ZC3H7A: variants seen among roughly 807,000 people sequenced by gnomAD.
The protein encoded by ZC3H7A is zinc finger CCCH-type containing 7A, also known as zinc finger CCCH domain-containing protein 7A.
Under a neutral mutation model 125.5 loss-of-function variants are expected in ZC3H7A, and 44 were observed. The observed-to-expected ratio is 0.35, with a 90% CI of 0.28 to 0.45. The LOEUF is 0.45. Among genes scored for constraint, ZC3H7A ranks in the 20% least tolerant of loss-of-function variants. ZC3H7A has a pLI of 1.00. For missense variants in ZC3H7A, 977 were observed against 1,170.7 expected, an observed-to-expected ratio of 0.83 and a Z score of 2.41; for synonymous variants, 399 against 391.2, an observed-to-expected ratio of 1.02 and a Z score of -0.23.
intron 4 of ZC3H7A, among the ~76,000 whole-genome samples, chr16:11,778,141 T>C (rs1400744804): frequency 6.7e-6 from 1 of 150,088 alleles, no homozygotes; most frequent in Admixed American, 6.6e-5. Flanking sequence ...TATTTCTTGA[T>C]TTAAAAAAAC....
In ZC3H7A at chr16:11,762,656, A is replaced by G; in HGVS notation, c.2079+15T>C. The G allele has an allele frequency of 1.2e-6, 2 of 1,613,574 alleles. No individual in the cohort carries two copies. The highest frequency in any genetic ancestry group is 1.1e-5 in the South Asian group (1 of 91,068). On this transcript the variant is annotated intron_variant, in intron 17 of 22. Coordinates refer to ENST00000355758, the MANE Select transcript of ZC3H7A (RefSeq NM_014153.4). ...AAAGGACACCAAATGCAGAAAGTAC[A>G]CAAGAGAAAAATACCTGCGCTCCAG...
intron 9 of ZC3H7A, 97 bp downstream of exon 9, chr16:11,774,139 C>T (rs867031876): frequency 1.2e-5 from 14 of 1,180,748 alleles, no homozygotes; most frequent in Middle Eastern, 2.8e-4. Context: ...CCAAATTCAG[C>T]CTATATGCAA....
At chr16:11,790,625 C>T (rs1367185059) in intron 1 of ZC3H7A, among the ~76,000 whole-genome samples, 1 of 151,944 alleles carries the variant, frequency 6.6e-6, no homozygotes, top group Non-Finnish European at 1.5e-5. Flanking sequence ...TTGCAACCTC[C>T]GCCTCCCAGG....
In ZC3H7A at chr16:11,773,744, G is replaced by A. The variant is rs1373305880; in HGVS notation, c.903+492C>T. On this transcript the variant is annotated intron_variant, in intron 9 of 22. Transcript: ENST00000355758. ...AAAAATACAAAAAAATTAGCCAGGC[G>A]TGGTGGCGGGCGCCTGTAGTCCCAG... Among the ~76,000 whole-genome samples, 6 of 151,716 alleles carry A rather than the reference G, an allele frequency of 4.0e-5. 1 individual carries two copies. In the East Asian group the frequency reaches 5.8e-4, roughly 15 times the overall value.
At chr16:11,763,703 T>G (rs1238338088) in intron 15 of ZC3H7A, 44 bp from the exon 16 acceptor site, 38 of 611,820 alleles carry the variant, frequency 6.2e-5, no homozygotes, top group Non-Finnish European at 8.9e-5. Flanking sequence ...CTGCCATAGA[T>G]TTTTCAAATA....
intron 1 of ZC3H7A, among the ~76,000 whole-genome samples, chr16:11,795,733 C>T (rs778799680): frequency 4.6e-5 from 7 of 152,032 alleles, no homozygotes; most frequent in Non-Finnish European, 7.4e-5. Context: ...CCACCCCGCC[C>T]GGCCCGTATA....
chr16:11,777,006 AT>A (rs914861618), intron 4 of ZC3H7A, 97 bp from the exon 5 acceptor site: 64 of 967,022 alleles, frequency 6.6e-5, no homozygotes, highest in Non-Finnish European at 8.7e-5. Context: ...ACCCCATCCT[AT>A]TACCCTCCCT....
At chr16:11,779,846 G>A (rs556486644) in intron 3 of ZC3H7A, among the ~76,000 whole-genome samples, 32 of 148,390 alleles carry the variant, frequency 2.2e-4, no homozygotes, top group African/African-American at 7.9e-4. Context: ...CCAATTTCTA[G>A]GTGGAAAATG....
chr16:11,789,713 G>A (rs888926273), intron 1 of ZC3H7A, among the ~76,000 whole-genome samples: 4 of 152,080 alleles, frequency 2.6e-5, no homozygotes, highest in Non-Finnish European at 5.9e-5. Flanking sequence ...TGGACCTTCT[G>A]GTTGTTTCCA....
chr16:11,780,638 C>T (rs1404249977), intron 3 of ZC3H7A, among the ~76,000 whole-genome samples: 3 of 152,210 alleles, frequency 2.0e-5, no homozygotes, highest in African/African-American at 2.4e-5. Flanking sequence ...ACAACTGTTA[C>T]AGTTTATTTC....
chr16:11,786,715 A>T (rs1312194025), intron 1 of ZC3H7A, among the ~76,000 whole-genome samples: 2 of 152,208 alleles, frequency 1.3e-5, no homozygotes, highest in Non-Finnish European at 2.9e-5. Flanking sequence ...CATGTTCAGT[A>T]GTTTTTTAAG....
At chr16:11,769,129 C>A (rs1358624689) in intron 10 of ZC3H7A, 34 bp from the exon 11 acceptor site, 1 of 1,568,530 alleles carries the variant, frequency 6.4e-7, no homozygotes, top group South Asian at 1.2e-5. Context: ...CAGACCTTTT[C>A]ATTCTGATCA....
intron 9 of ZC3H7A, among the ~76,000 whole-genome samples, chr16:11,773,673 G>C (rs1417213941): frequency 1.3e-5 from 2 of 151,874 alleles, no homozygotes; most frequent in African/African-American, 4.9e-5. Context: ...ACGAGGTCAG[G>C]AGATCAAGAC....
chr16:11,769,784 C>CTTTTTTTTTTT lies in ZC3H7A; in HGVS notation c.1109-700_1109-690dup, dbSNP rs200241879. Among the ~76,000 whole-genome samples, 581 of 61,574 alleles carry CTTTTTTTTTTT rather than the reference C, an allele frequency of 9.4e-3. 64 individuals carry two copies. Among genetic ancestry groups the CTTTTTTTTTTT allele is most frequent in the Middle Eastern group, 0.027 (2 of 74 alleles). The allele number at this position is 61,574 out of a possible 152,430, so 40.4% of individuals were successfully genotyped here. Reference sequence around the variant, plus strand: ...AATCAGTAAAGTTTTCAATTGCTTTCTTTTTTTTTTTTTTTTTTTTTTTGA... The same window carrying CTTTTTTTTTTT: ...AATCAGTAAAGTTTTCAATTGCTTTCTTTTTTTTTTTTTTTTTTTTTTTTTTTTTTTTTTGA... On this transcript the variant is annotated intron_variant, in intron 10 of 22. Coordinates refer to ENST00000355758, the MANE Select transcript of ZC3H7A (RefSeq NM_014153.4).
rs1161174671 is a variant in ZC3H7A, at chr16:11,794,748, T to C, written c.-35+2376A>G. On this transcript the variant is annotated intron_variant, in intron 1 of 22. Coordinates refer to ENST00000355758, the MANE Select transcript of ZC3H7A (RefSeq NM_014153.4). Reference sequence around the variant, plus strand: ...TCCCTGGAGTTGAGAGTTTCTATAATTGATTCTCTTCCACTTACAATGACA... The same window carrying C: ...TCCCTGGAGTTGAGAGTTTCTATAACTGATTCTCTTCCACTTACAATGACA... Among the ~76,000 whole-genome samples, 4 of 152,358 alleles carry C rather than the reference T, an allele frequency of 2.6e-5. No homozygotes were observed. The East Asian group carries it at 7.7e-4, about 29-fold the overall frequency.
intron 11 of ZC3H7A, 141 bp from the exon 12 acceptor site, chr16:11,768,642 C>G: frequency 4.0e-6 from 3 of 758,766 alleles, no homozygotes; most frequent in Non-Finnish European, 5.6e-6. Flanking sequence ...TAATGCTCTT[C>G]TATCTTAAAA....
At chr16:11,784,501 T>G (rs2053223100) in intron 1 of ZC3H7A, among the ~76,000 whole-genome samples, 1 of 151,266 alleles carries the variant, frequency 6.6e-6, no homozygotes, top group South Asian at 2.1e-4. Context: ...GGAAGATCAC[T>G]TGAGCCTAGG....
chr16:11,775,069 A>G, intron 7 of ZC3H7A, 56 bp from the exon 8 acceptor site: 1 of 1,596,462 alleles, frequency 6.3e-7, no homozygotes, highest in East Asian at 2.2e-5. Flanking sequence ...AAGCCATAAA[A>G]CAATCAGTAA....
chr16:11,775,948 T>A (rs529379701), intron 7 of ZC3H7A, among the ~76,000 whole-genome samples: 13 of 152,236 alleles, frequency 8.5e-5, no homozygotes, highest in South Asian at 4.1e-4. Context: ...ACACTTGAGC[T>A]CAGGAGTTTG....
Sources: gnomAD v4.1 joint callset for allele counts (sites outside exome capture counted in the v4.1 genomes callset) on GRCh38, gnomAD v4.1.1 for gene constraint, MANE v1.5 for transcripts, NCBI Gene and HGNC (gene_info 2026-07-23, HGNC 2026-07-21) for gene names.